CLNS1A: variants seen among roughly 807,000 people sequenced by gnomAD.
CLNS1A encodes methylosome subunit pICln.
A neutral mutation model predicts 29.4 loss-of-function variants in CLNS1A; 16 were observed. That is an observed-to-expected ratio of 0.54 (90% confidence interval 0.37 to 0.83). CLNS1A has a LOEUF of 0.83. CLNS1A is among the 40% of genes least tolerant of loss of function. The pLI, the probability that CLNS1A is intolerant of heterozygous loss-of-function variation, is 0.00. For missense variants in CLNS1A, 235 were observed against 287.4 expected (o/e 0.82, Z 1.32); for synonymous variants, 96 against 104.8 (o/e 0.92, Z 0.51).
In CLNS1A at chr11:77,633,047, A is replaced by G. The variant is rs549423883; in HGVS notation, c.126-3148T>C. 3.2e-3 allele frequency among the ~76,000 whole-genome samples: 466 copies of G among 145,988 alleles called. 1 individual carries two copies. Among genetic ancestry groups the G allele is most frequent in the African/African-American group, 0.011 (417 of 39,120 alleles). ...GGTTGCAGTGAACCAAGATCACGCTACCACACTCAAGCCTGGGCAACGGGG... is the reference window on the plus strand; with the variant it reads ...GGTTGCAGTGAACCAAGATCACGCTGCCACACTCAAGCCTGGGCAACGGGG... On this transcript the variant is annotated intron_variant, in intron 1 of 6. Coordinates refer to ENST00000525428, the MANE Select transcript of CLNS1A (RefSeq NM_001293.3).
intron 2 of CLNS1A, among the ~76,000 whole-genome samples, chr11:77,626,984 C>T (rs1346418966): frequency 3.4e-5 from 5 of 146,762 alleles, no homozygotes; most frequent in Admixed American, 2.0e-4. Flanking sequence ...TGTGAGCCAC[C>T]GCGCCCAGCC....
intron 1 of CLNS1A, among the ~76,000 whole-genome samples, chr11:77,630,672 T>A (rs1959064729): frequency 1.3e-5 from 2 of 152,136 alleles, no homozygotes; most frequent in Admixed American, 6.6e-5. Context: ...AGGAAACACA[T>A]CACCAAAATC....
At chr11:77,625,613 T>C (rs1347851747) in intron 3 of CLNS1A, 104 bp downstream of exon 3, 2 of 924,150 alleles carry the variant, frequency 2.2e-6, no homozygotes, top group Non-Finnish European at 3.2e-6. Context: ...ATGGAGGTAA[T>C]GGTGGTAAAG....
Position 77,631,903 on chromosome 11 carries a change from A to G in CLNS1A, c.126-2004T>C, listed in dbSNP as rs541234700. Among the ~76,000 whole-genome samples the G allele has an allele frequency of 6.6e-5, 10 of 151,994 alleles. No homozygotes were observed. The East Asian group carries it at 1.8e-3, about 27-fold the overall frequency. On this transcript the variant is annotated intron_variant, in intron 1 of 6. Coordinates refer to ENST00000525428, the MANE Select transcript of CLNS1A (RefSeq NM_001293.3). The stretch of plus-strand genomic sequence containing the variant: ...CAAGCGTGTGACACCACGCCTCGCT[A>G]ATTTTTGTATTTTTAATAGAGATGG...
chr11:77,630,995 T>C (rs946727566), intron 1 of CLNS1A, among the ~76,000 whole-genome samples: 4 of 152,224 alleles, frequency 2.6e-5, no homozygotes, highest in Non-Finnish European at 4.4e-5. Context: ...TTTTTAAAAG[T>C]TAATGAAGTA....
At chr11:77,637,143 G>GC (rs1959134757) in intron 1 of CLNS1A, among the ~76,000 whole-genome samples, 1 of 149,394 alleles carries the variant, frequency 6.7e-6, no homozygotes, top group Non-Finnish European at 1.5e-5. Flanking sequence ...AACATCTCCT[G>GC]CATCTGTTCA....
intron 1 of CLNS1A, among the ~76,000 whole-genome samples, chr11:77,636,775 G>A (rs1160604022): frequency 6.6e-6 from 1 of 152,160 alleles, no homozygotes; most frequent in Non-Finnish European, 1.5e-5. Context: ...AAGTGATGGA[G>A]CAAAAGGGGA....
At chr11:77,634,144 T>C (rs1428655592) in intron 1 of CLNS1A, among the ~76,000 whole-genome samples, 3 of 151,806 alleles carry the variant, frequency 2.0e-5, no homozygotes, top group Non-Finnish European at 2.9e-5. Flanking sequence ...AACTAAGCTC[T>C]GAAATAAGCC....
intron 5 of CLNS1A, 140 bp from the exon 6 acceptor site, chr11:77,619,835 G>T: frequency 1.5e-6 from 1 of 647,164 alleles, no homozygotes; most frequent in Non-Finnish European, 2.8e-6. Flanking sequence ...AAGTCTGAAG[G>T]GACAAACTGA....
At position 77,622,622 on chromosome 11, in the gene CLNS1A, GATA is replaced by G. The variant is rs756396777; in HGVS notation, c.521_523del (p.Leu174del). 3 of 1,612,958 alleles carry G rather than the reference GATA, an allele frequency of 1.9e-6. No homozygotes were observed. Among genetic ancestry groups the G allele is most frequent in the Non-Finnish European group, 1.7e-6 (2 of 1,179,528 alleles). On this transcript the variant is annotated inframe_deletion, in exon 5 of 7. Coordinates refer to ENST00000525428, the MANE Select transcript of CLNS1A (RefSeq NM_001293.3). The stretch of plus-strand genomic sequence containing the variant: ...GGCTTGGCCTTCTGCTGTTAGATGG[GATA>G]ATCCTTCTTCATAGGTGTAAAATGT...
At position 77,637,582 on chromosome 11, in the gene CLNS1A, A is replaced by T. The variant is rs368790345; in HGVS notation, c.125+8T>A. On this transcript the variant is annotated splice_region_variant and intron_variant, in intron 1 of 6. Transcript: ENST00000525428. Reference sequence around the variant, plus strand: ...CAGGAGGCCAGCGCTGGGGACCAGGAACCCTACCTCTCAGCGATGTAAAGG... The same window carrying T: ...CAGGAGGCCAGCGCTGGGGACCAGGTACCCTACCTCTCAGCGATGTAAAGG... The T allele has an allele frequency of 1.9e-4, 309 of 1,600,072 alleles. No homozygotes were observed. Among genetic ancestry groups the T allele is most frequent in the Non-Finnish European group, 2.4e-4 (286 of 1,173,796 alleles).
At chr11:77,624,110 C>G (rs958191933) in intron 4 of CLNS1A, among the ~76,000 whole-genome samples, 1 of 152,094 alleles carries the variant, frequency 6.6e-6, no homozygotes, top group Non-Finnish European at 1.5e-5. Flanking sequence ...AAAAAATACA[C>G]AAAAATTAGC....
intron 1 of CLNS1A, among the ~76,000 whole-genome samples, chr11:77,636,247 T>C (rs1959124610): frequency 6.6e-6 from 1 of 152,054 alleles, no homozygotes; most frequent in East Asian, 1.9e-4. Context: ...TTTGTATTTT[T>C]TGTAGAGACT....
At position 77,629,880 on chromosome 11, in the gene CLNS1A, C is replaced by T. The variant is rs1331705279; in HGVS notation, c.145G>A (p.Gly49Ser). Residue 49 changes from glycine (G) to serine (S), a missense_variant, in exon 2 of 7, where the codon GGC (glycine) becomes AGC (serine). By Grantham distance (56) the Gly-to-Ser change is moderately conservative (BLOSUM62 0). Transcript: ENST00000525428. ...TCCAGTGAGAATCCTAATCCAGAGC[C>T]ATCTAACCAAGACAGGCGGCTGAAA... ...IAESRLSWLD[G>S]SGLGFSLEYP... The T allele has an allele frequency of 6.2e-7, 1 of 1,613,906 alleles. No homozygotes were observed. Among genetic ancestry groups the T allele is most frequent in the Non-Finnish European group, 8.5e-7 (1 of 1,179,958 alleles).
At chr11:77,637,338 G>GAAAAAAAAAAAA (rs57598480) in intron 1 of CLNS1A, among the ~76,000 whole-genome samples, 1 of 107,386 alleles carries the variant, frequency 9.3e-6, no homozygotes, top group Non-Finnish European at 1.9e-5. Flanking sequence ...AGGAAAAAAA[G>GAAAAAAAAAAAA]AAAAAAAAAA....
At position 77,614,861 on chromosome 11, in the gene CLNS1A, T is replaced by G. The variant is rs1463233581; in HGVS notation, c.*1857A>C. ...AAATCAATAAATATTGTCTGGCTGA[T>G]CATTATAAATTTTATCTTTTAAAAG... On this transcript the variant is annotated 3_prime_UTR_variant, in exon 7 of 7. Transcript: ENST00000525428. The G allele has an allele frequency of 7.9e-5, 12 of 152,222 alleles. No homozygotes were observed. The highest frequency in any genetic ancestry group is 7.9e-4 in the Admixed American group (12 of 15,278). The allele number at this position is 152,222 out of a possible 1,614,324, so 9.4% of individuals were successfully genotyped here.
In CLNS1A at chr11:77,615,633, A is replaced by G. The variant is rs1485022678; in HGVS notation, c.*1085T>C. 1.3e-5 allele frequency: 2 copies of G among 152,188 alleles called. No homozygotes were observed. Among genetic ancestry groups the G allele is most frequent in the Admixed American group, 1.3e-4 (2 of 15,282 alleles). The allele number at this position is 152,188 out of a possible 1,614,324, so 9.4% of individuals were successfully genotyped here. ...ACTTGCCTATTGTTAACAGACTCAG[A>G]AATTCTGAGAGTCTGGTTAGAAAAA... On this transcript the variant is annotated 3_prime_UTR_variant, in exon 7 of 7. Coordinates refer to ENST00000525428, the MANE Select transcript of CLNS1A (RefSeq NM_001293.3).
chr11:77,633,198 T>G (rs1959092373), intron 1 of CLNS1A, among the ~76,000 whole-genome samples: 1 of 152,184 alleles, frequency 6.6e-6, no homozygotes, highest in Non-Finnish European at 1.5e-5. Flanking sequence ...ATGAATTATT[T>G]GTTGCACCAC....
At chr11:77,634,658 A>G (rs1959105844) in intron 1 of CLNS1A, among the ~76,000 whole-genome samples, 1 of 146,638 alleles carries the variant, frequency 6.8e-6, no homozygotes, top group African/African-American at 2.5e-5. Flanking sequence ...CGGGAGGCGG[A>G]GCTTGCAGTG....
Sources: allele counts gnomAD v4.1 joint callset (sites outside exome capture counted in the v4.1 genomes callset), GRCh38; gene constraint gnomAD v4.1.1; transcripts MANE v1.5; gene names NCBI Gene and HGNC (gene_info 2026-07-23, HGNC 2026-07-21).